FRMD4A: variants seen among roughly 807,000 people sequenced by gnomAD.
FRMD4A encodes the protein FERM domain containing 4A.
FRMD4A carries 29 observed loss-of-function variants against 129.1 expected under a neutral mutation model. The observed-to-expected ratio is 0.22, with a 90% CI of 0.17 to 0.31. The LOEUF (loss-of-function observed/expected upper bound fraction) is 0.31. Ranked by LOEUF, FRMD4A falls within the 10% of genes least tolerant of loss-of-function variation. The pLI, the probability that FRMD4A is intolerant of heterozygous loss-of-function variation, is 1.00. For synonymous variants in FRMD4A, 634 were observed against 571.6 expected (o/e 1.11, Z -1.56); for missense variants, 1,272 against 1,375.8 (o/e 0.92, Z 1.19).
chr10:14,090,363 T>C (rs1187034415), intron 2 of FRMD4A, among the ~76,000 whole-genome samples: 3 of 152,190 alleles, frequency 2.0e-5, no homozygotes, highest in Non-Finnish European at 2.9e-5. Flanking sequence ...AGGAGCGTAA[T>C]TGGTAAATGT....
chr10:14,143,605 T>TG (rs1554769529), intron 2 of FRMD4A, among the ~76,000 whole-genome samples: 6 of 152,086 alleles, frequency 3.9e-5, no homozygotes, highest in African/African-American at 1.2e-4. Context: ...ACAATAGTTT[T>TG]TTGTTGTTGT....
rs2085594355 is a variant in FRMD4A at position 13,690,640 on chromosome 10, G to A, written c.1117+3258C>T. Among the ~76,000 whole-genome samples, 5 of 152,232 alleles carry A rather than the reference G, an allele frequency of 3.3e-5. No homozygotes were observed. In the South Asian group the frequency reaches 1.0e-3, roughly 32 times the overall value. On this transcript the variant is annotated intron_variant, in intron 15 of 24. Transcript: ENST00000357447. ...GACCTGCCCTCGGGTTGAGTCATGGGGCTTTCTCACCTTCTCACCAGGGTT... is the reference window on the plus strand; with the variant it reads ...GACCTGCCCTCGGGTTGAGTCATGGAGCTTTCTCACCTTCTCACCAGGGTT...
At chr10:13,863,753 C>CT (rs57497357) in intron 2 of FRMD4A, among the ~76,000 whole-genome samples, 137,617 of 150,052 alleles carry the variant, frequency 0.92, 63,143 homozygotes, top group East Asian at 0.97. Flanking sequence ...TAATATGTTA[C>CT]TTTTTTTTTC....
At chr10:13,730,210 G>A (rs756069) in intron 12 of FRMD4A, among the ~76,000 whole-genome samples, 3 of 152,142 alleles carry the variant, frequency 2.0e-5, no homozygotes, top group African/African-American at 4.8e-5. Flanking sequence ...TCAAAGGAAC[G>A]TAAGGACCCC....
chr10:14,068,889 T>C (rs1835187209), intron 2 of FRMD4A, among the ~76,000 whole-genome samples: 1 of 138,044 alleles, frequency 7.2e-6, no homozygotes, highest in South Asian at 2.7e-4. Flanking sequence ...TCCCTCCCTC[T>C]CCCTCTCTTT....
At chr10:13,850,281 A>G (rs1286013580) in intron 3 of FRMD4A, among the ~76,000 whole-genome samples, 1 of 152,162 alleles carries the variant, frequency 6.6e-6, no homozygotes, top group East Asian at 1.9e-4. Context: ...TTAAAAAGTC[A>G]TACATTTTTT....
At chr10:13,690,953 A>G (rs1180767159) in intron 15 of FRMD4A, among the ~76,000 whole-genome samples, 4 of 152,146 alleles carry the variant, frequency 2.6e-5, no homozygotes, top group Admixed American at 2.6e-4. Flanking sequence ...ATAGAGATGT[A>G]CTGCTTTTAA....
chr10:14,208,562 G>A (rs1278110288), intron 2 of FRMD4A, among the ~76,000 whole-genome samples: 5 of 152,082 alleles, frequency 3.3e-5, no homozygotes, highest in Non-Finnish European at 7.4e-5. Flanking sequence ...CCTCCTACCT[G>A]GGCTGAAGGA....
intron 2 of FRMD4A, among the ~76,000 whole-genome samples, chr10:14,229,163 C>T (rs1157729251): frequency 6.6e-6 from 1 of 151,148 alleles, no homozygotes; most frequent in Non-Finnish European, 1.5e-5. Context: ...GGGGAAGAGA[C>T]CCTGAACTCA....
intron 2 of FRMD4A, among the ~76,000 whole-genome samples, chr10:14,144,310 A>T (rs866236771): frequency 6.6e-6 from 1 of 152,314 alleles, no homozygotes; most frequent in Admixed American, 6.5e-5. Context: ...GTTCTGAGGC[A>T]AGAAAGAGGA....
rs141265670 is a variant in FRMD4A, at chr10:14,293,850, G to A, written c.45+36208C>T. ...GGAAACAAGCCAGATGTTTATCAACGGTAGACTGAATCAATAGATGTGCTA... is the reference window on the plus strand; with the variant it reads ...GGAAACAAGCCAGATGTTTATCAACAGTAGACTGAATCAATAGATGTGCTA... On this transcript the variant is annotated intron_variant, in intron 2 of 24. Coordinates refer to ENST00000357447, the MANE Select transcript of FRMD4A (RefSeq NM_018027.5). Among the ~76,000 whole-genome samples the A allele has an allele frequency of 4.2e-3, 633 of 152,226 alleles. 5 individuals are homozygous for A. The highest frequency in any genetic ancestry group is 0.014 in the African/African-American group (583 of 41,522).
At position 13,810,532 on chromosome 10, in the gene FRMD4A, TA is replaced by T. The variant is rs1011257487; in HGVS notation, c.206+281del. On this transcript the variant is annotated intron_variant, in intron 4 of 24. Coordinates refer to ENST00000357447, the MANE Select transcript of FRMD4A (RefSeq NM_018027.5). ...GAAAACAAACTCACATAGATCCACT[TA>T]AAAAAAAATAAACATTTCAGTCTGA... Among the ~76,000 whole-genome samples the T allele has an allele frequency of 7.0e-4, 106 of 151,538 alleles. 1 individual carries two copies. Among genetic ancestry groups the T allele is most frequent in the South Asian group, 5.9e-3 (28 of 4,774 alleles).
chr10:14,262,809 A>G (rs367866740), intron 2 of FRMD4A, among the ~76,000 whole-genome samples: 1 of 152,188 alleles, frequency 6.6e-6, no homozygotes, highest in Admixed American at 6.5e-5. Context: ...GTTCATGAGG[A>G]TGTAGGTGCA....
intron 2 of FRMD4A, among the ~76,000 whole-genome samples, chr10:14,086,514 T>C (rs1836288152): frequency 6.6e-6 from 1 of 152,214 alleles, no homozygotes. Context: ...ACTAACAGAA[T>C]TGGGGATAAT....
intron 2 of FRMD4A, among the ~76,000 whole-genome samples, chr10:13,989,448 C>T (rs181816912): frequency 3.9e-5 from 6 of 152,060 alleles, no homozygotes; most frequent in Admixed American, 2.0e-4. Flanking sequence ...TTCCGCCTCC[C>T]GGGTTCAAGC....
At chr10:13,778,619 GTGTT>G (rs202219352) in intron 6 of FRMD4A, among the ~76,000 whole-genome samples, 11,840 of 144,370 alleles carry the variant, frequency 0.082, 695 homozygotes, top group East Asian at 0.35. Context: ...GTGTGTGTGT[GTGTT>G]TGTGTGTGTG....
At chr10:13,859,986 G>A (rs904791315) in intron 2 of FRMD4A, among the ~76,000 whole-genome samples, 1 of 152,122 alleles carries the variant, frequency 6.6e-6, no homozygotes, top group Non-Finnish European at 1.5e-5. Context: ...AATGGGCCGA[G>A]CCCAGTGGGG....
chr10:13,673,750 T>C (rs61377479), intron 16 of FRMD4A, among the ~76,000 whole-genome samples: 16,313 of 148,282 alleles, frequency 0.11, 1,946 homozygotes, highest in African/African-American at 0.3. Flanking sequence ...AGCACATACA[T>C]AGGGTCGAGA....
intron 2 of FRMD4A, among the ~76,000 whole-genome samples, chr10:14,081,029 A>G (rs539274392): frequency 1.0e-3 from 155 of 152,180 alleles, no homozygotes; most frequent in African/African-American, 3.6e-3. Flanking sequence ...TACTGCTTTT[A>G]TATAAAGATT....
Sources: allele counts gnomAD v4.1 joint callset (sites outside exome capture counted in the v4.1 genomes callset), GRCh38; gene constraint gnomAD v4.1.1; transcripts MANE v1.5; gene names NCBI Gene and HGNC (gene_info 2026-07-23, HGNC 2026-07-21).